The following ABTB3 variants were observed in gnomAD, a reference collection of about 807,000 sequenced individuals.
ABTB3 encodes ankyrin repeat and BTB domain containing 3.
chr12:107,372,343 C>T, the ABTB3 span, among the ~76,000 whole-genome samples: 1 of 152,100 alleles, frequency 6.6e-6, no homozygotes, highest in Non-Finnish European at 1.5e-5. Context: ...ACATTTAAGC[C>T]CATTTCCTGC....
chr12:107,337,485 A>G, the ABTB3 span, among the ~76,000 whole-genome samples: 1 of 152,204 alleles, frequency 6.6e-6, no homozygotes, highest in Admixed American at 6.5e-5. Context: ...GTTCCCATGT[A>G]CCAGATTCTA....
the ABTB3 span, among the ~76,000 whole-genome samples, chr12:107,428,394 C>A: frequency 1.6e-4 from 24 of 152,228 alleles, no homozygotes; most frequent in African/African-American, 4.8e-4. Flanking sequence ...GTCCTCGGGC[C>A]CCTGGAGCAT....
the ABTB3 span, among the ~76,000 whole-genome samples, chr12:107,637,732 A>G: frequency 6.0e-4 from 92 of 152,074 alleles, no homozygotes; most frequent in African/African-American, 2.2e-3. Flanking sequence ...AAATGAATTC[A>G]GCGCTAGACA....
the ABTB3 span, among the ~76,000 whole-genome samples, chr12:107,511,527 G>A: frequency 6.6e-6 from 1 of 151,834 alleles, no homozygotes; most frequent in African/African-American, 2.4e-5. Context: ...TTCTCCATGT[G>A]TCCTTCTTAT....
At chr12:107,449,379 A>G in the ABTB3 span, among the ~76,000 whole-genome samples, 1 of 152,204 alleles carries the variant, frequency 6.6e-6, no homozygotes, top group African/African-American at 2.4e-5. Context: ...CACATGGGAC[A>G]AGTAACCAAT....
chr12:107,638,033 C>A, the ABTB3 span, among the ~76,000 whole-genome samples: 1 of 152,018 alleles, frequency 6.6e-6, no homozygotes. Context: ...AACTCTCAGG[C>A]CTTCTCCCCT....
the ABTB3 span, among the ~76,000 whole-genome samples, chr12:107,391,651 C>G: frequency 1.3e-5 from 2 of 152,202 alleles, no homozygotes; most frequent in Non-Finnish European, 2.9e-5. Flanking sequence ...AAGCCACTGT[C>G]TTCCTTTCAT....
the ABTB3 span, among the ~76,000 whole-genome samples, chr12:107,444,468 T>G: frequency 6.6e-6 from 1 of 152,144 alleles, no homozygotes; most frequent in Admixed American, 6.5e-5. Context: ...ATAGACTAGA[T>G]GCTGAAAAAA....
At chr12:107,437,077 C>T in the ABTB3 span, among the ~76,000 whole-genome samples, 1 of 152,172 alleles carries the variant, frequency 6.6e-6, no homozygotes, top group South Asian at 2.1e-4. Context: ...TTGAGAAAGC[C>T]TGGGCTGTGG....
the ABTB3 span, among the ~76,000 whole-genome samples, chr12:107,468,985 A>G: frequency 6.6e-6 from 1 of 152,158 alleles, no homozygotes; most frequent in Non-Finnish European, 1.5e-5. Context: ...GGTTCGATAA[A>G]TAACACCTGT....
the ABTB3 span, among the ~76,000 whole-genome samples, chr12:107,577,445 C>T: frequency 3.3e-5 from 5 of 152,100 alleles, no homozygotes; most frequent in Non-Finnish European, 7.4e-5. Flanking sequence ...AGCCAAACTC[C>T]TTTTCCATCC....
At chr12:107,402,186 T>C in the ABTB3 span, among the ~76,000 whole-genome samples, 1 of 152,142 alleles carries the variant, frequency 6.6e-6, no homozygotes, top group Admixed American at 6.5e-5. Context: ...ATTTTACAGA[T>C]GGGAAAACTG....
chr12:107,578,135 T>C, the ABTB3 span, among the ~76,000 whole-genome samples: 17 of 152,278 alleles, frequency 1.1e-4, no homozygotes, highest in Middle Eastern at 3.4e-3. Context: ...ATAATGCTAT[T>C]TTTTCCCCTC....
At chr12:107,583,500 A>G in the ABTB3 span, among the ~76,000 whole-genome samples, 7 of 152,208 alleles carry the variant, frequency 4.6e-5, no homozygotes, top group Non-Finnish European at 8.8e-5. Context: ...CAGAGACCCA[A>G]TGATACAACC....
chr12:107,621,628 G>C, the ABTB3 span, among the ~76,000 whole-genome samples: 1 of 152,090 alleles, frequency 6.6e-6, no homozygotes. Flanking sequence ...TCATAACTAC[G>C]ATGCCAAATG....
chr12:107,479,069 T>C, the ABTB3 span, among the ~76,000 whole-genome samples: 116 of 152,260 alleles, frequency 7.6e-4, no homozygotes, highest in African/African-American at 2.3e-3. Flanking sequence ...GTTTTGAAAA[T>C]TGTGCTGCAT....
At chr12:107,557,278 A>C in the ABTB3 span, among the ~76,000 whole-genome samples, 1 of 152,144 alleles carries the variant, frequency 6.6e-6, no homozygotes, top group South Asian at 2.1e-4. Context: ...AAACCTGTCT[A>C]GCATGTTACT....
the ABTB3 span, among the ~76,000 whole-genome samples, chr12:107,522,371 G>A: frequency 6.6e-6 from 1 of 151,920 alleles, no homozygotes; most frequent in East Asian, 1.9e-4. Flanking sequence ...TTTAATAATA[G>A]GTTTATTGAG....
the ABTB3 span, chr12:107,649,568 G>A: frequency 2.5e-6 from 1 of 405,426 alleles, no homozygotes; most frequent in South Asian, 3.3e-5. Flanking sequence ...TGGTAAGGGG[G>A]CAGGGAAGGG....
Sources: allele counts gnomAD v4.1 joint callset (sites outside exome capture counted in the v4.1 genomes callset), GRCh38; gene constraint gnomAD v4.1.1; transcripts MANE v1.5; gene names NCBI Gene and HGNC (gene_info 2026-07-23, HGNC 2026-07-21).